RGS18: variants seen among roughly 807,000 people sequenced by gnomAD.
The protein encoded by RGS18 is regulator of G-protein signaling 18.
RGS18 carries 22 observed loss-of-function variants against 27.6 expected under a neutral mutation model. That is an observed-to-expected ratio of 0.80 (90% CI 0.57 to 1.14). RGS18 has a LOEUF of 1.14. Ranked by LOEUF, RGS18 falls within the 50% of genes most tolerant of loss-of-function variation. RGS18 has a pLI of 0.00. For missense variants in RGS18, 299 were observed against 269.6 expected (o/e 1.11, Z -0.76); for synonymous variants, 89 against 84.6 (o/e 1.05, Z -0.29).
chr1:192,175,925 AG>A (rs2102157965), intron 3 of RGS18, among the ~76,000 whole-genome samples: 2 of 151,892 alleles, frequency 1.3e-5, no homozygotes, highest in East Asian at 3.9e-4. Context: ...ATAGAAGCCT[AG>A]TATTCATAAT....
At chr1:192,160,726 GT>G (rs1434721598) in intron 3 of RGS18, 18 of 344,700 alleles carry the variant, frequency 5.2e-5, no homozygotes, top group African/African-American at 3.6e-4. Flanking sequence ...GAAATCTTCG[GT>G]TTTATCAAAT....
chr1:192,179,256 G>A (rs575471485), intron 3 of RGS18, among the ~76,000 whole-genome samples: 94 of 151,556 alleles, frequency 6.2e-4, no homozygotes, highest in Non-Finnish European at 1.1e-3. Context: ...CATAAGGAGA[G>A]CAGAAAGAGA....
intron 3 of RGS18, among the ~76,000 whole-genome samples, chr1:192,180,412 G>T (rs1329006453): frequency 6.6e-6 from 1 of 151,532 alleles, no homozygotes; most frequent in African/African-American, 2.4e-5. Flanking sequence ...GGGCCACATA[G>T]TAACTAAATG....
chr1:192,167,492 T>C (rs1656182281), intron 3 of RGS18, among the ~76,000 whole-genome samples: 1 of 152,020 alleles, frequency 6.6e-6, no homozygotes, highest in Admixed American at 6.6e-5. Context: ...CAATCTCAGC[T>C]CACTGCAACC....
At chr1:192,161,744 T>A (rs1026622428) in intron 3 of RGS18, among the ~76,000 whole-genome samples, 45 of 152,336 alleles carry the variant, frequency 3.0e-4, no homozygotes, top group East Asian at 7.7e-4. Flanking sequence ...TTAAGGTGTC[T>A]ACTGGAAGAA....
At chr1:192,164,121 T>C (rs1467470389) in intron 3 of RGS18, among the ~76,000 whole-genome samples, 1 of 152,044 alleles carries the variant, frequency 6.6e-6, no homozygotes, top group Non-Finnish European at 1.5e-5. Context: ...AAACAGTTAA[T>C]ATTAGAACCA....
intron 3 of RGS18, among the ~76,000 whole-genome samples, chr1:192,173,478 G>C (rs929737920): frequency 1.3e-5 from 2 of 151,770 alleles, no homozygotes; most frequent in Non-Finnish European, 2.9e-5. Context: ...AAGGTGGAAA[G>C]TGTTCATCTC....
intron 3 of RGS18, among the ~76,000 whole-genome samples, chr1:192,167,428 T>G (rs1300375749): frequency 6.9e-6 from 1 of 145,628 alleles, no homozygotes; most frequent in Non-Finnish European, 1.5e-5. Context: ...GCACTCAACT[T>G]TTTTTTTTTT....
chr1:192,172,298 A>G (rs928923598), intron 3 of RGS18, among the ~76,000 whole-genome samples: 2 of 151,890 alleles, frequency 1.3e-5, no homozygotes, highest in Admixed American at 1.3e-4. Flanking sequence ...GAAAGACTGG[A>G]TTAGTTCTCA....
At position 192,159,202 on chromosome 1, in the gene RGS18, AAGGC is replaced by A; in HGVS notation, c.120-17_120-14del. ...CTGTCATCTAAATTGTCCTGACATGAAGGCCTTTTTATTACAGAGCTAAGGAAAA... is the reference window on the plus strand; with the variant it reads ...CTGTCATCTAAATTGTCCTGACATGACTTTTTATTACAGAGCTAAGGAAAA... On this transcript the variant is annotated splice_polypyrimidine_tract_variant and intron_variant, in intron 1 of 4. Coordinates refer to ENST00000367460, the MANE Select transcript of RGS18 (RefSeq NM_130782.3). 1.3e-6 allele frequency: 2 copies of A among 1,547,214 alleles called. No individual in the cohort carries two copies. The highest frequency in any genetic ancestry group is 1.8e-6 in the Non-Finnish European group (2 of 1,120,866).
intron 3 of RGS18, among the ~76,000 whole-genome samples, chr1:192,164,491 T>C (rs1223496125): frequency 1.3e-5 from 2 of 152,122 alleles, no homozygotes; most frequent in Non-Finnish European, 2.9e-5. Flanking sequence ...GTCACACAGT[T>C]TAACTTTTTT....
At chr1:192,178,154 A>C (rs1384641864) in intron 3 of RGS18, among the ~76,000 whole-genome samples, 1 of 151,680 alleles carries the variant, frequency 6.6e-6, no homozygotes, top group Non-Finnish European at 1.5e-5. Context: ...GTGAGATAAG[A>C]GGAAAATCAA....
In RGS18 at chr1:192,185,737, T is replaced by G. The variant is rs1179133799; in HGVS notation, c.*1183T>G. On this transcript the variant is annotated 3_prime_UTR_variant, in exon 5 of 5. Transcript: ENST00000367460. Reference sequence around the variant, plus strand: ...AGTTGAAATGTAAAATGTGAAAACTTTAGATCATTTGTAGTAATAAATATT... The same window carrying G: ...AGTTGAAATGTAAAATGTGAAAACTGTAGATCATTTGTAGTAATAAATATT... 1.3e-5 allele frequency: 2 copies of G among 151,616 alleles called. No homozygotes were observed. The highest frequency in any genetic ancestry group is 4.8e-5 in the African/African-American group (2 of 41,368). The allele number at this position is 151,616 out of a possible 1,614,324, so 9.4% of individuals were successfully genotyped here.
chr1:192,183,339 A>G (rs888322251), intron 4 of RGS18, among the ~76,000 whole-genome samples: 1 of 151,638 alleles, frequency 6.6e-6, no homozygotes, highest in African/African-American at 2.4e-5. Context: ...GGAGGAAATC[A>G]TCATAACATA....
rs1200188003 is a variant in RGS18, at chr1:192,168,009, A to G, written c.283+7570A>G. 2.0e-5 allele frequency: 3 copies of G among 152,304 alleles called. No homozygotes were observed. In the East Asian group the frequency reaches 5.8e-4, roughly 29 times the overall value. The allele number at this position is 152,304 out of a possible 1,614,324, so 9.4% of individuals were successfully genotyped here. ...CAGAGTTTCAATTTAGAAACATGCA[A>G]TTACATGCATTTCATATTTGTATGA... On this transcript the variant is annotated intron_variant, in intron 3 of 4. Transcript: ENST00000367460.
chr1:192,173,638 T>A (rs1656308328), intron 3 of RGS18, among the ~76,000 whole-genome samples: 2 of 152,008 alleles, frequency 1.3e-5, no homozygotes, highest in South Asian at 4.1e-4. Flanking sequence ...GGCTACCAGA[T>A]CTTCCACTTC....
chr1:192,168,228 T>C (rs1269026213), intron 3 of RGS18: 2 of 152,136 alleles, frequency 1.3e-5, no homozygotes, highest in Admixed American at 1.3e-4. Flanking sequence ...AAGTAACTAA[T>C]GTGCTGGGAT....
chr1:192,164,981 G>A (rs552298293), intron 3 of RGS18, among the ~76,000 whole-genome samples: 9 of 152,250 alleles, frequency 5.9e-5, no homozygotes, highest in African/African-American at 1.9e-4. Flanking sequence ...GGGAACAAGG[G>A]AGATAACCAT....
At chr1:192,181,257 C>T in intron 3 of RGS18, 35 bp from the exon 4 acceptor site, 2 of 1,159,096 alleles carry the variant, frequency 1.7e-6, no homozygotes, top group African/African-American at 1.6e-5. Context: ...AACATTAATA[C>T]CATTTTATAG....
Sources: gnomAD v4.1 joint callset for allele counts (sites outside exome capture counted in the v4.1 genomes callset) on GRCh38, gnomAD v4.1.1 for gene constraint, MANE v1.5 for transcripts, NCBI Gene and HGNC (gene_info 2026-07-23, HGNC 2026-07-21) for gene names.